Variants in GLRA2 observed in about 807,000 individuals in gnomAD.
The protein encoded by GLRA2 is glycine receptor subunit alpha-2.
GLRA2 carries 11 observed loss-of-function variants against 31.6 expected under a neutral mutation model. That is an observed-to-expected ratio of 0.35 (90% CI 0.22 to 0.58). GLRA2 has a LOEUF of 0.58. Ranked by LOEUF, GLRA2 falls within the 20% of genes least tolerant of loss-of-function variation. The pLI is 0.84. For missense variants in GLRA2, 212 were observed against 351.8 expected, an observed-to-expected ratio of 0.60 and a Z score of 3.18; for synonymous variants, 132 against 134.0, an observed-to-expected ratio of 0.99 and a Z score of 0.10.
the GLRA2 span, among the ~76,000 whole-genome samples, chrX:14,450,815 C>G: frequency 9.0e-6 from 1 of 111,613 alleles, no homozygotes; most frequent in Admixed American, 9.5e-5. Flanking sequence ...AAGTGATCCT[C>G]CCACCTCACC....
At chrX:14,570,633 T>C (rs917130212) in intron 2 of GLRA2, among the ~76,000 whole-genome samples, 1 of 111,496 alleles carries the variant, frequency 9.0e-6, no homozygotes, top group Admixed American at 9.5e-5. Flanking sequence ...GGGGATATAA[T>C]AGTACTATAT....
At chrX:14,698,400 C>T (rs944655630) in intron 8 of GLRA2, among the ~76,000 whole-genome samples, 3 of 109,360 alleles carry the variant, frequency 2.7e-5, no homozygotes, top group Admixed American at 2.0e-4. Context: ...ATATTTTGGC[C>T]GGGAGCGGTG....
chrX:14,493,484 CAG>C, the GLRA2 span, among the ~76,000 whole-genome samples: 14 of 105,618 alleles, frequency 1.3e-4, no homozygotes, highest in Admixed American at 6.2e-4. Flanking sequence ...AAAATAAAAA[CAG>C]TGTCTGCTAA....
intron 2 of GLRA2, among the ~76,000 whole-genome samples, chrX:14,554,505 T>C (rs1395203408): frequency 9.0e-6 from 1 of 111,708 alleles, no homozygotes; most frequent in Non-Finnish European, 1.9e-5. Context: ...GCAGTGGCCT[T>C]GAACAGGATT....
At chrX:14,524,980 A>G (rs374012921), upstream of GLRA2, among the ~76,000 whole-genome samples, 5 of 110,760 alleles carry the variant, frequency 4.5e-5, no homozygotes, top group East Asian at 5.6e-4. Flanking sequence ...ACTTACACAA[A>G]CTATAGATTC....
rs763300855 is a variant in GLRA2 at position 14,607,273 on chromosome X, G to GTTT, written c.715+6_715+8dup. 3 of 935,486 alleles carry GTTT rather than the reference G, an allele frequency of 3.2e-6. No homozygotes were observed. Among genetic ancestry groups the GTTT allele is most frequent in the South Asian group, 2.3e-5 (1 of 42,584 alleles). The allele number at this position is 935,486 out of a possible 1,213,427, so 77.1% of individuals were successfully genotyped here. ...GTACAAAGCACTACAACACTGGTAA[G>GTTT]TTTCTTTTTTTTTTTTTTTCAGCTG... On this transcript the variant is annotated splice_donor_region_variant and intron_variant, in intron 6 of 8. Transcript: ENST00000218075.
Position 14,690,827 on chromosome X carries a change from C to T in GLRA2, c.1048C>T (p.Arg350Cys), listed in dbSNP as rs905209295. The T allele has an allele frequency of 1.9e-5, 23 of 1,204,751 alleles. No individual in the cohort carries two copies. The highest frequency in any genetic ancestry group is 2.6e-5 in the Non-Finnish European group (23 of 891,095). ...CTCCAGGCAACACAAGGAGTTCCTG[C>T]GCCTCCGAAGAAGACAGAAGAGGCA... ...FVSRQHKEFLRLRRRQKRQNK... is the reference protein window; with the variant it reads ...FVSRQHKEFLCLRRRQKRQNK... The change falls in exon 8 of 9, where the codon CGC becomes TGC. Residue 350 changes from arginine to cysteine, a missense_variant. Transcript: ENST00000218075.
intron 2 of GLRA2, among the ~76,000 whole-genome samples, chrX:14,540,326 C>T (rs937665903): frequency 5.4e-5 from 6 of 111,064 alleles, no homozygotes; most frequent in African/African-American, 2.0e-4. Context: ...GGCAGCTATA[C>T]AGAAGGGTCA....
chrX:14,699,561 A>T (rs2091507106), intron 8 of GLRA2, among the ~76,000 whole-genome samples: 1 of 112,518 alleles, frequency 8.9e-6, no homozygotes, highest in South Asian at 3.7e-4. Context: ...CAATCATATG[A>T]AACACTTATT....
At chrX:14,526,694 G>A (rs1008846355), upstream of GLRA2, among the ~76,000 whole-genome samples, 2 of 111,841 alleles carry the variant, frequency 1.8e-5, no homozygotes, top group African/African-American at 3.2e-5. Context: ...TCAGAAGTTC[G>A]GTTTTGACAT....
chrX:14,718,805 T>C (rs2091825651), intron 8 of GLRA2, among the ~76,000 whole-genome samples: 1 of 111,726 alleles, frequency 9.0e-6, no homozygotes, highest in African/African-American at 3.3e-5. Context: ...AGTGCACCAG[T>C]GAACATGGCA....
intron 6 of GLRA2, among the ~76,000 whole-genome samples, chrX:14,608,079 A>T (rs1438130412): frequency 4.5e-5 from 5 of 111,605 alleles, no homozygotes; most frequent in Non-Finnish European, 7.5e-5. Context: ...ACTTGTTCCA[A>T]CAGCCAACAG....
chrX:14,725,142 ATCAAT>A (rs1461133649), intron 8 of GLRA2, among the ~76,000 whole-genome samples: 2 of 112,014 alleles, frequency 1.8e-5, no homozygotes, highest in African/African-American at 6.5e-5. Flanking sequence ...GACTTGAAAG[ATCAAT>A]TCAGTAACAG....
chrX:14,704,927 G>C (rs541054423), intron 8 of GLRA2, among the ~76,000 whole-genome samples: 1 of 112,087 alleles, frequency 8.9e-6, no homozygotes, highest in Non-Finnish European at 1.9e-5. Context: ...AGAACCATAA[G>C]AGAGTTATAG....
At chrX:14,580,396 A>G (rs1240052304) in intron 3 of GLRA2, among the ~76,000 whole-genome samples, 2 of 112,123 alleles carry the variant, frequency 1.8e-5, no homozygotes, top group East Asian at 2.8e-4. Context: ...CAAGTGAAGT[A>G]GTACTTTCAA....
intron 8 of GLRA2, among the ~76,000 whole-genome samples, chrX:14,728,835 C>T (rs763755017): frequency 8.9e-6 from 1 of 112,386 alleles, no homozygotes; most frequent in Admixed American, 9.4e-5. Context: ...TGCAGCTTCC[C>T]CTCTGAGCAC....
chrX:14,730,489 T>G lies in GLRA2; in HGVS notation c.*4T>G. 8.4e-7 allele frequency: 1 copy of G among 1,185,791 alleles called. No homozygotes were observed. The highest frequency in any genetic ancestry group is 3.0e-5 in the East Asian group (1 of 33,553). Reference sequence around the variant, plus strand: ...TGAAGATGTCCACAAGAAATAGATGTGCCCTACAGACCCTGGGACCTTCTT... The same window carrying G: ...TGAAGATGTCCACAAGAAATAGATGGGCCCTACAGACCCTGGGACCTTCTT... On this transcript the variant is annotated 3_prime_UTR_variant, in exon 9 of 9. Transcript: ENST00000218075.
chrX:14,684,852 G>C (rs1489379069), intron 7 of GLRA2, among the ~76,000 whole-genome samples: 6 of 111,035 alleles, frequency 5.4e-5, no homozygotes, highest in Non-Finnish European at 1.1e-4. Flanking sequence ...CCAACACTAT[G>C]TTGAATAGGA....
intron 7 of GLRA2, among the ~76,000 whole-genome samples, chrX:14,628,023 T>C (rs1423808650): frequency 9.0e-6 from 1 of 110,644 alleles, no homozygotes; most frequent in Non-Finnish European, 1.9e-5. Flanking sequence ...AAGAATTAGG[T>C]AATGGTCATA....
Sources: gnomAD v4.1 joint callset for allele counts (sites outside exome capture counted in the v4.1 genomes callset) on GRCh38, gnomAD v4.1.1 for gene constraint, MANE v1.5 for transcripts, NCBI Gene and HGNC (gene_info 2026-07-23, HGNC 2026-07-21) for gene names.